Variants in PCDH11X observed in about 807,000 individuals in gnomAD.
PCDH11X encodes the protein protocadherin-11 X-linked.
PCDH11X carries 18 observed loss-of-function variants against 53.3 expected under a neutral mutation model. That is an observed-to-expected ratio of 0.34 (90% CI 0.23 to 0.50). The LOEUF (loss-of-function observed/expected upper bound fraction) is 0.50. Ranked by LOEUF, PCDH11X falls within the 20% of genes least tolerant of loss-of-function variation. The pLI, the probability that PCDH11X is intolerant of heterozygous loss-of-function variation, is 0.98. For missense variants in PCDH11X, 570 were observed against 1,032.4 expected, an observed-to-expected ratio of 0.55 and a Z score of 6.14; for synonymous variants, 279 against 393.3, an observed-to-expected ratio of 0.71 and a Z score of 3.44.
At chrX:92,489,874 C>A (rs2073723582) in intron 10 of PCDH11X, among the ~76,000 whole-genome samples, 1 of 101,812 alleles carries the variant, frequency 9.8e-6, no homozygotes, top group Non-Finnish European at 2.0e-5. Flanking sequence ...ACAACATGAT[C>A]TTACTTGGAC....
intron 7 of PCDH11X, among the ~76,000 whole-genome samples, chrX:92,231,459 A>G (rs967691505): frequency 9.0e-6 from 1 of 111,718 alleles, no homozygotes; most frequent in Admixed American, 9.6e-5. Context: ...CTATTACTAT[A>G]AACAATTATA....
intron 10 of PCDH11X, among the ~76,000 whole-genome samples, chrX:92,558,172 A>G (rs1326189519): frequency 1.8e-5 from 2 of 109,910 alleles, no homozygotes; most frequent in South Asian, 7.9e-4. Context: ...TCAACACATA[A>G]TAAGTTTCAC....
chrX:91,846,263 G>T (rs1408807995), intron 5 of PCDH11X, among the ~76,000 whole-genome samples: 24 of 111,222 alleles, frequency 2.2e-4, no homozygotes, highest in Non-Finnish European at 1.3e-4. Context: ...TAAGGAACAA[G>T]TTCTTAATTA....
chrX:91,921,180 G>T, intron 6 of PCDH11X, among the ~76,000 whole-genome samples: 1 of 109,913 alleles, frequency 9.1e-6, no homozygotes, highest in Non-Finnish European at 1.9e-5. Context: ...GAAGTTTTAG[G>T]TTCACAGCAA....
intron 6 of PCDH11X, among the ~76,000 whole-genome samples, chrX:92,089,949 C>T (rs1293824555): frequency 3.1e-4 from 33 of 105,781 alleles, no homozygotes; most frequent in Non-Finnish European, 5.8e-4. Context: ...AATAACATTG[C>T]AATAAATCTT....
chrX:92,228,864 C>T (rs1487267825), intron 7 of PCDH11X, among the ~76,000 whole-genome samples: 2 of 111,830 alleles, frequency 1.8e-5, no homozygotes, highest in Non-Finnish European at 3.8e-5. Context: ...TTAACTTTTT[C>T]ACTATGTGAG....
intron 10 of PCDH11X, among the ~76,000 whole-genome samples, chrX:92,501,624 C>T (rs1164494008): frequency 1.2e-4 from 13 of 111,278 alleles, no homozygotes; most frequent in South Asian, 3.7e-4. Context: ...AAAAACCACA[C>T]GATCATTTCA....
At chrX:91,894,310 C>T (rs866855849) in intron 6 of PCDH11X, among the ~76,000 whole-genome samples, 1 of 111,666 alleles carries the variant, frequency 9.0e-6, no homozygotes, top group Admixed American at 9.5e-5. Context: ...AGTGCACATA[C>T]CTTGGTAATA....
intron 9 of PCDH11X, chrX:92,459,829 C>T (rs778862568): frequency 7.8e-6 from 9 of 1,153,369 alleles, no homozygotes; most frequent in South Asian, 7.3e-5. Context: ...CACCAGCTTC[C>T]GGGGTGGCAT....
chrX:92,441,855 T>G (rs1345447092), intron 9 of PCDH11X, among the ~76,000 whole-genome samples: 5 of 110,309 alleles, frequency 4.5e-5, no homozygotes, highest in African/African-American at 1.7e-4. Context: ...TTTCACTGTG[T>G]GCCTGGAAAA....
intron 6 of PCDH11X, among the ~76,000 whole-genome samples, chrX:91,886,174 C>T (rs1206193749): frequency 1.8e-5 from 2 of 111,650 alleles, no homozygotes; most frequent in African/African-American, 3.3e-5. Flanking sequence ...ATTACGTTTG[C>T]CTTGCAAGTT....
At chrX:92,094,488 G>T (rs2064103058) in intron 6 of PCDH11X, among the ~76,000 whole-genome samples, 1 of 110,772 alleles carries the variant, frequency 9.0e-6, no homozygotes, top group African/African-American at 3.3e-5. Flanking sequence ...TATCTTTGAG[G>T]ATATACAGGT....
intron 6 of PCDH11X, among the ~76,000 whole-genome samples, chrX:92,091,152 T>C (rs1175510864): frequency 9.0e-6 from 1 of 111,060 alleles, no homozygotes; most frequent in East Asian, 2.8e-4. Flanking sequence ...TAGTGAGATT[T>C]TCTTTCTTCC....
At chrX:92,125,625 CTTTT>C (rs1276063815) in intron 6 of PCDH11X, among the ~76,000 whole-genome samples, 4 of 111,007 alleles carry the variant, frequency 3.6e-5, no homozygotes, top group African/African-American at 1.3e-4. Flanking sequence ...ATTTGCTAGT[CTTTT>C]TTTGTTTGTT....
intron 6 of PCDH11X, among the ~76,000 whole-genome samples, chrX:91,951,116 A>C (rs73630153): frequency 0.026 from 2,922 of 111,160 alleles, 99 homozygotes; most frequent in African/African-American, 0.091. Flanking sequence ...GCCATCCATA[A>C]CGTATTATTT....
intron 1 of PCDH11X, among the ~76,000 whole-genome samples, chrX:91,808,157 A>G (rs924187022): frequency 1.5e-4 from 17 of 110,455 alleles, no homozygotes; most frequent in African/African-American, 5.3e-4. Flanking sequence ...TGTAGATAAT[A>G]TTAACTTTTA....
At chrX:92,087,629 G>A (rs1207077243) in intron 6 of PCDH11X, among the ~76,000 whole-genome samples, 1 of 110,979 alleles carries the variant, frequency 9.0e-6, no homozygotes, top group African/African-American at 3.3e-5. Context: ...GTCCAGTTGA[G>A]TTTAATTTTA....
At chrX:91,964,054 CA>C (rs1003056461) in intron 6 of PCDH11X, among the ~76,000 whole-genome samples, 18 of 109,019 alleles carry the variant, frequency 1.7e-4, no homozygotes, top group African/African-American at 5.9e-4. Context: ...GGGACACAGC[CA>C]AACCATATCA....
intron 6 of PCDH11X, among the ~76,000 whole-genome samples, chrX:92,124,877 TC>T (rs1194145447): frequency 3.6e-5 from 4 of 111,187 alleles, no homozygotes; most frequent in African/African-American, 1.3e-4. Flanking sequence ...TGCTTATCTT[TC>T]CTACTAAATT....
Sources: gnomAD v4.1 joint callset for allele counts (sites outside exome capture counted in the v4.1 genomes callset) on GRCh38, gnomAD v4.1.1 for gene constraint, MANE v1.5 for transcripts, NCBI Gene and HGNC (gene_info 2026-07-23, HGNC 2026-07-21) for gene names.